The following SLC12A9 variants were observed in gnomAD, a reference collection of about 807,000 sequenced individuals.
SLC12A9 encodes solute carrier family 12 member 9.
A neutral mutation model predicts 66.0 loss-of-function variants in SLC12A9; 55 were observed. The ratio of observed to expected loss-of-function variants is 0.83; its 90% CI spans 0.67 to 1.04. The LOEUF is 1.04. SLC12A9 is among the 50% of genes least tolerant of loss of function. SLC12A9 has a pLI of 0.00. For synonymous variants in SLC12A9, 577 were observed against 569.0 expected, an observed-to-expected ratio of 1.01 and a Z score of -0.20; for missense variants, 1,061 against 1,241.9, an observed-to-expected ratio of 0.85 and a Z score of 2.19.
upstream of SLC12A9, among the ~76,000 whole-genome samples, chr7:100,849,304 G>A (rs1473557905): frequency 6.6e-6 from 1 of 152,050 alleles, no homozygotes; most frequent in Admixed American, 6.6e-5. Flanking sequence ...GAGTGCAGTG[G>A]TGCGATCACA....
Position 100,858,946 on chromosome 7 carries a change from A to G in SLC12A9, c.865+4A>G, listed in dbSNP as rs2116614459. On this transcript the variant is annotated splice_donor_region_variant and intron_variant, in intron 6 of 13. Transcript: ENST00000354161. ...ATGGCTGGGGCCAACATGTCAGGTG[A>G]GAGTCCCTGCCTGCTGCCTCCTGGG... is the stretch of plus-strand genomic sequence containing the variant. The G allele has an allele frequency of 3.7e-6, 6 of 1,613,918 alleles. No homozygotes were observed. The highest frequency in any genetic ancestry group is 5.1e-6 in the Non-Finnish European group (6 of 1,179,946).
chr7:100,859,831 T>C (rs940719213), intron 7 of SLC12A9, 54 bp from the exon 8 acceptor site: 2 of 1,554,072 alleles, frequency 1.3e-6, no homozygotes, highest in African/African-American at 2.7e-5. Flanking sequence ...GGGCTGGAGA[T>C]TTTCTTACCC....
Position 100,866,242 on chromosome 7 carries a change from C to T in SLC12A9, c.2382C>T (p.Ile794=). The T allele has an allele frequency of 6.2e-7, 1 of 1,602,076 alleles. No individual in the cohort carries two copies. Among genetic ancestry groups the T allele is most frequent in the Non-Finnish European group, 8.5e-7 (1 of 1,174,750 alleles). ...GGGCACTGCTGAGCCAACTGAGGATCCGGGCTGAGGTGCAGGAGGTGGTGT... is the reference window on the plus strand; with the variant it reads ...GGGCACTGCTGAGCCAACTGAGGATTCGGGCTGAGGTGCAGGAGGTGGTGT... ...RLRALLSQLR[I]RAEVQEVVWG... Residue 794 remains isoleucine, a synonymous_variant, in exon 14 of 14, where the codon ATC becomes ATT. Coordinates refer to ENST00000354161, the MANE Select transcript of SLC12A9 (RefSeq NM_020246.4). This position sits in a 1 kb window ranked among gnomAD's most constrained non-coding sequence, Gnocchi z 7.3.
chr7:100,845,197 T>C (rs1813881739), intron 1 of SLC12A9, among the ~76,000 whole-genome samples: 2 of 151,088 alleles, frequency 1.3e-5, no homozygotes, highest in African/African-American at 2.4e-5. Context: ...ATTCACTAAA[T>C]TTCCAAAGTT....
chr7:100,835,185 GTC>G (rs1212795686), intron 1 of SLC12A9, among the ~76,000 whole-genome samples: 2 of 151,966 alleles, frequency 1.3e-5, no homozygotes, highest in Non-Finnish European at 2.9e-5. Flanking sequence ...GTGAAACCCA[GTC>G]TCTACTAAAA....
upstream of SLC12A9, among the ~76,000 whole-genome samples, chr7:100,849,671 C>A (rs543298886): frequency 2.0e-5 from 3 of 151,254 alleles, no homozygotes; most frequent in South Asian, 2.1e-4. Flanking sequence ...GCTGAGATCG[C>A]GCCACTGCCC....
Position 100,862,774 on chromosome 7 carries a change from T to C in SLC12A9, c.1805T>C (p.Leu602Pro), listed in dbSNP as rs140925123. ...GTGAAGGCTTTTGTGGATCTAACCC[T>C]CTCACCCTCCGTGCGCCAGGGGGCT... Reference protein sequence around the residue: ...AQVKAFVDLTLSPSVRQGAQH... With the variant: ...AQVKAFVDLTPSPSVRQGAQH... Residue 602 changes from leucine (L) to proline (P), a missense_variant, in exon 13 of 14, where the codon CTC (leucine) becomes CCC (proline). By Grantham distance (98) the Leu-to-Pro change is moderately conservative. Transcript: ENST00000354161. The C allele has an allele frequency of 7.6e-5, 122 of 1,614,038 alleles. No individual in the cohort carries two copies. Among genetic ancestry groups the C allele is most frequent in the Non-Finnish European group, 5.3e-5 (63 of 1,180,040 alleles).
chr7:100,848,477 G>A (rs905626864), upstream of SLC12A9, among the ~76,000 whole-genome samples: 10 of 150,726 alleles, frequency 6.6e-5, no homozygotes, highest in African/African-American at 9.7e-5. Context: ...CAGCCTAGGC[G>A]ACAGAGTGAG....
chr7:100,828,966 C>A (rs957969574), intron 1 of SLC12A9, among the ~76,000 whole-genome samples: 2 of 152,080 alleles, frequency 1.3e-5, no homozygotes, highest in African/African-American at 4.8e-5. Context: ...GACTTAGACT[C>A]CCACAGTAAT....
intron 1 of SLC12A9, among the ~76,000 whole-genome samples, chr7:100,833,802 G>A (rs1813589393): frequency 6.6e-6 from 1 of 151,376 alleles, no homozygotes; most frequent in South Asian, 2.1e-4. Flanking sequence ...GTGTGGTGGT[G>A]GGCACCTGTA....
intron 1 of SLC12A9, among the ~76,000 whole-genome samples, chr7:100,838,027 A>T (rs891697041): frequency 2.6e-5 from 4 of 151,284 alleles, no homozygotes; most frequent in African/African-American, 9.7e-5. Flanking sequence ...TGCCTGGCTA[A>T]TTTTTTTGTA....
At chr7:100,860,779 G>A in intron 9 of SLC12A9, 1 of 407,034 alleles carries the variant, frequency 2.5e-6, no homozygotes, top group South Asian at 2.0e-5. Context: ...TTGACACTTT[G>A]GGGGTGCGCT....
intron 1 of SLC12A9, among the ~76,000 whole-genome samples, chr7:100,835,770 G>A (rs185968983): frequency 1.2e-4 from 18 of 152,354 alleles, no homozygotes; most frequent in Middle Eastern, 3.4e-3. Context: ...ATAGAGGAAG[G>A]GCTCTTGAGT....
chr7:100,827,112 G>T, intron 1 of SLC12A9: 1 of 1,462,228 alleles, frequency 6.8e-7, no homozygotes, highest in South Asian at 1.2e-5. Flanking sequence ...TGGGCGGGTG[G>T]ACGCCGATAC....
In SLC12A9 at chr7:100,861,194, C is replaced by A; in HGVS notation, c.1275C>A (p.Tyr425Ter). Residue 425 changes from tyrosine (Y) to a stop codon, truncating the protein, a stop_gained, in exon 10 of 14, where the codon TAC (tyrosine) becomes TAA (stop). Transcript: ENST00000354161. LOFTEE classifies it high-confidence loss of function. The surrounding 1 kb of genome is among the most constrained non-coding windows in gnomAD (Gnocchi z 5.3). ...TGGCTGCTGTGGTCACTGTCTTCTA[C>A]CTGGTGGCCTATGCTGCCGTGGACC... ...NTLAAVVTVF[Y>*]LVAYAAVDLS... is the part of the protein sequence containing the mutation. The A allele has an allele frequency of 6.2e-7, 1 of 1,614,226 alleles. No homozygotes were observed. The highest frequency in any genetic ancestry group is 8.5e-7 in the Non-Finnish European group (1 of 1,180,028).
rs556318386 is a variant in SLC12A9 at position 100,834,766 on chromosome 7, G to A, written n.228+7719G>A. ...AGCACGCCTGTGGTCCCAGCTGTTCGGGGGGCTGAGGTGAGAGGATCACCC... is the reference window on the plus strand; with the variant it reads ...AGCACGCCTGTGGTCCCAGCTGTTCAGGGGGCTGAGGTGAGAGGATCACCC... On this transcript the variant is annotated intron_variant and non_coding_transcript_variant, in intron 1 of 1. Transcript: ENST00000461016. 1.5e-3 allele frequency among the ~76,000 whole-genome samples: 223 copies of A among 152,124 alleles called. 7 individuals carry two copies. Among genetic ancestry groups the A allele is most frequent in the Admixed American group, 0.013 (194 of 15,274 alleles).
Position 100,860,005 on chromosome 7 carries a change from C to T in SLC12A9, c.1098C>T (p.Ser366=). The stretch of plus-strand genomic sequence containing the variant: ...CCATGAGCTCGCTCATTGGTGCCTC[C>T]CGCATCCTCCATGCCCTGGCCCGGG... ...SASMSSLIGA[S]RILHALARDD... is the part of the protein sequence containing the mutation. Residue 366 remains serine (S), a synonymous_variant, in exon 8 of 14, where the codon TCC becomes TCT. Transcript: ENST00000354161. 6.2e-7 allele frequency: 1 copy of T among 1,613,896 alleles called. No individual in the cohort carries two copies. Among genetic ancestry groups the T allele is most frequent in the Non-Finnish European group, 8.5e-7 (1 of 1,179,768 alleles).
intron 4 of SLC12A9, chr7:100,856,057 T>C (rs1245741040): frequency 7.6e-6 from 4 of 529,722 alleles, no homozygotes; most frequent in Admixed American, 4.2e-5. Flanking sequence ...GAGACCAGGC[T>C]AAGATTCTTA....
intron 7 of SLC12A9, 183 bp from the exon 8 acceptor site, chr7:100,859,702 C>T (rs1041032309): frequency 1.8e-5 from 13 of 711,884 alleles, no homozygotes; most frequent in Admixed American, 3.0e-5. Context: ...TGGAGTGAGA[C>T]CTTGTCTCTT....
Sources: gnomAD v4.1 joint callset for allele counts (sites outside exome capture counted in the v4.1 genomes callset) on GRCh38, gnomAD v4.1.1 for gene constraint, Gnocchi (gnomAD v3.1) non-coding constraint, MANE v1.5 for transcripts, NCBI Gene and HGNC (gene_info 2026-07-23, HGNC 2026-07-21) for gene names.